Variants in ERC1 observed in about 807,000 individuals in gnomAD.
ERC1 encodes ELKS/RAB6-interacting/CAST family member 1, also known as RAB6 interacting protein 2.
A neutral mutation model predicts 132.0 loss-of-function variants in ERC1; 56 were observed. The ratio of observed to expected loss-of-function variants is 0.42; its 90% CI spans 0.34 to 0.53. ERC1 has a LOEUF of 0.53. ERC1 is among the 20% of genes least tolerant of loss of function. The pLI, the probability that ERC1 is intolerant of heterozygous loss-of-function variation, is 0.03. For missense variants in ERC1, 1,202 were observed against 1,349.9 expected (o/e 0.89, Z 1.72); for synonymous variants, 478 against 476.1 (o/e 1.00, Z -0.05).
chr12:1,447,988 C>A (rs2093344921), intron 18 of ERC1, among the ~76,000 whole-genome samples: 1 of 152,108 alleles, frequency 6.6e-6, no homozygotes. Context: ...TTTGCTCAGT[C>A]CTGTATTTTC....
chr12:1,446,628 G>A (rs1296999304), intron 18 of ERC1, among the ~76,000 whole-genome samples: 1 of 152,150 alleles, frequency 6.6e-6, no homozygotes, highest in Non-Finnish European at 1.5e-5. Flanking sequence ...TGATATTAAA[G>A]ATGACAGTGA....
intron 14 of ERC1, among the ~76,000 whole-genome samples, chr12:1,274,507 T>TATTTATTTATTTATTG (rs1413820824): frequency 6.6e-6 from 1 of 151,860 alleles, no homozygotes; most frequent in African/African-American, 2.4e-5. Flanking sequence ...TTTATTTATT[T>TATTTATTTATTTATTG]ATTGAGACAG....
intron 7 of ERC1, among the ~76,000 whole-genome samples, chr12:1,136,634 G>A (rs1163561148): frequency 6.6e-6 from 1 of 152,126 alleles, no homozygotes; most frequent in Non-Finnish European, 1.5e-5. Flanking sequence ...TTGCAAGTAG[G>A]ATAAAATTTA....
chr12:1,241,017 T>C (rs1424825089), intron 13 of ERC1, among the ~76,000 whole-genome samples: 2 of 152,164 alleles, frequency 1.3e-5, no homozygotes, highest in African/African-American at 4.8e-5. Flanking sequence ...CAGAGCAAAT[T>C]TGTACAGATA....
intron 1 of ERC1, among the ~76,000 whole-genome samples, chr12:1,026,923 T>C (rs888621945): frequency 1.3e-5 from 2 of 152,222 alleles, no homozygotes; most frequent in Non-Finnish European, 1.5e-5. Context: ...AAGGAAGGGA[T>C]CTATAGCTGG....
intron 2 of ERC1, among the ~76,000 whole-genome samples, chr12:1,029,631 C>G (rs928480955): frequency 2.6e-5 from 4 of 151,978 alleles, no homozygotes; most frequent in Non-Finnish European, 5.9e-5. Flanking sequence ...TGTGCTCCTC[C>G]AGGTTATAGT....
chr12:1,122,533 C>G (rs369319387), intron 7 of ERC1, among the ~76,000 whole-genome samples: 5 of 92,832 alleles, frequency 5.4e-5, no homozygotes, highest in South Asian at 3.0e-4. Context: ...ATCTCTATCT[C>G]TATCTCTATC....
chr12:1,244,477 TTAAG>T, intron 13 of ERC1: 1 of 441,410 alleles, frequency 2.3e-6, no homozygotes, highest in Admixed American at 2.4e-5. Context: ...AAAATATTCA[TTAAG>T]TGTTTTGTAC....
intron 1 of ERC1, among the ~76,000 whole-genome samples, chr12:1,011,603 T>G (rs1964693851): frequency 6.6e-6 from 1 of 152,204 alleles, no homozygotes; most frequent in South Asian, 2.1e-4. Flanking sequence ...TGGCTGTGCT[T>G]ATATTTGCAA....
At chr12:1,009,328 C>G (rs967435643) in intron 1 of ERC1, among the ~76,000 whole-genome samples, 1 of 152,086 alleles carries the variant, frequency 6.6e-6, no homozygotes, top group African/African-American at 2.4e-5. Context: ...GTGCCCGCCA[C>G]CACGCCCGGC....
At chr12:1,310,032 C>G (rs1446972489) in intron 15 of ERC1, among the ~76,000 whole-genome samples, 1 of 151,922 alleles carries the variant, frequency 6.6e-6, no homozygotes, top group Admixed American at 6.6e-5. Context: ...GCTGCAAGCT[C>G]TGCCTCCCGG....
intron 15 of ERC1, among the ~76,000 whole-genome samples, chr12:1,304,692 AC>A (rs1304162332): frequency 6.7e-6 from 1 of 150,350 alleles, no homozygotes; most frequent in African/African-American, 2.5e-5. Flanking sequence ...TGTTAGGAGA[AC>A]CTCTGTTATG....
chr12:1,442,920 A>G (rs770422253), intron 17 of ERC1, among the ~76,000 whole-genome samples: 1 of 151,514 alleles, frequency 6.6e-6, no homozygotes, highest in African/African-American at 2.4e-5. Flanking sequence ...ATTTTTTTTT[A>G]TTTTTTTGAG....
Position 1,190,077 on chromosome 12 carries a change from C to T in ERC1, c.2351+25C>T, listed in dbSNP as rs762245369. On this transcript the variant is annotated intron_variant, in intron 12 of 18. Coordinates refer to ENST00000360905, the MANE Select transcript of ERC1 (RefSeq NM_178040.4). ...GGTAAGAAAGTGAAGCTGATTGGGG[C>T]TTATGAGGTTAAAGTATGGTTTTAA... The T allele has an allele frequency of 1.5e-5, 24 of 1,576,510 alleles. No homozygotes were observed. In the East Asian group the frequency reaches 4.7e-4, roughly 31 times the overall value.
intron 15 of ERC1, among the ~76,000 whole-genome samples, chr12:1,366,813 A>T (rs2086704094): frequency 6.6e-6 from 1 of 152,166 alleles, no homozygotes; most frequent in Non-Finnish European, 1.5e-5. Flanking sequence ...TGGCTCTATT[A>T]ACATTAAAAG....
In ERC1 at chr12:1,493,539, AAAAAAAAAAAT is replaced by A. The variant is rs1427317830; in HGVS notation, c.*3311_*3321del. On this transcript the variant is annotated 3_prime_UTR_variant, in exon 19 of 19. Coordinates refer to ENST00000360905, the MANE Select transcript of ERC1 (RefSeq NM_178040.4). Reference sequence around the variant, plus strand: ...GTGACAGAGACTCCATTTAAAAAAAAAAAAAAAAAATATATATATATATATATATATATATA... The same window carrying A: ...GTGACAGAGACTCCATTTAAAAAAAAATATATATATATATATATATATATA... 15 of 85,782 alleles carry A rather than the reference AAAAAAAAAAAT, an allele frequency of 1.7e-4. 1 individual carries two copies. The highest frequency in any genetic ancestry group is 2.7e-4 in the Non-Finnish European group (12 of 43,948). 5.3% of individuals were successfully genotyped at this position (85,782 alleles called of 1,614,324 possible). A position where few individuals can be genotyped will look rare whatever the true frequency, so the allele number is the denominator to read the frequency against.
chr12:1,365,468 G>A (rs1019251471), intron 15 of ERC1, among the ~76,000 whole-genome samples: 1 of 152,184 alleles, frequency 6.6e-6, no homozygotes, highest in Non-Finnish European at 1.5e-5. Context: ...TTCATTATGA[G>A]CCTACTCTGT....
chr12:1,298,977 CATA>C (rs1169799903), intron 15 of ERC1, among the ~76,000 whole-genome samples: 1 of 152,080 alleles, frequency 6.6e-6, no homozygotes, highest in Non-Finnish European at 1.5e-5. Context: ...ATCCAAATGA[CATA>C]ATAATCCTAA....
intron 12 of ERC1, among the ~76,000 whole-genome samples, chr12:1,226,372 A>G (rs2074573025): frequency 6.6e-6 from 1 of 152,240 alleles, no homozygotes; most frequent in Non-Finnish European, 1.5e-5. Flanking sequence ...GATTAGCACA[A>G]TCAAGCTAAT....
Sources: allele counts gnomAD v4.1 joint callset (sites outside exome capture counted in the v4.1 genomes callset), GRCh38; gene constraint gnomAD v4.1.1; transcripts MANE v1.5; gene names NCBI Gene and HGNC (gene_info 2026-07-23, HGNC 2026-07-21).